Variants in WNT3 observed in about 807,000 individuals in gnomAD.
WNT3 encodes the protein Wnt family member 3, also known as proto-oncogene Wnt-3.
WNT3 carries 7 observed loss-of-function variants against 34.2 expected under a neutral mutation model. That is an observed-to-expected ratio of 0.20 (90% CI 0.12 to 0.38). WNT3 has a LOEUF of 0.38. Among genes scored for constraint, WNT3 ranks in the 10% least tolerant of loss-of-function variants. The pLI is 1.00. For synonymous variants in WNT3, 212 were observed against 211.5 expected, an observed-to-expected ratio of 1.00 and a Z score of -0.02; for missense variants, 267 against 499.8, an observed-to-expected ratio of 0.53 and a Z score of 4.44.
chr17:46,810,004 C>CTTTT (rs11292601), intron 1 of WNT3, among the ~76,000 whole-genome samples: 83 of 126,314 alleles, frequency 6.6e-4, no homozygotes, highest in Non-Finnish European at 8.7e-4. Flanking sequence ...TTCTTTCTTT[C>CTTTT]TTTTTTTTTT....
intron 1 of WNT3, among the ~76,000 whole-genome samples, chr17:46,792,309 TAAAG>T (rs1476513062): frequency 2.0e-5 from 3 of 152,086 alleles, no homozygotes; most frequent in African/African-American, 7.2e-5. Context: ...GTGAATGAAA[TAAAG>T]AACGCTTTTA....
chr17:46,812,873 TAAG>T (rs1053228460), intron 1 of WNT3, among the ~76,000 whole-genome samples: 1 of 152,126 alleles, frequency 6.6e-6, no homozygotes, highest in African/African-American at 2.4e-5. Context: ...GGTATCATTC[TAAG>T]AAGTATTCAC....
At chr17:46,795,635 G>T (rs1267007184) in intron 1 of WNT3, among the ~76,000 whole-genome samples, 1 of 152,208 alleles carries the variant, frequency 6.6e-6, no homozygotes, top group Non-Finnish European at 1.5e-5. Context: ...AGGGCCCTGT[G>T]CAAGGGGCAG....
chr17:46,773,010 C>T (rs1309767597), intron 2 of WNT3, among the ~76,000 whole-genome samples: 1 of 152,166 alleles, frequency 6.6e-6, no homozygotes, highest in Non-Finnish European at 1.5e-5. Flanking sequence ...AAGTCCCCTT[C>T]TTGGGAGGAG....
intron 1 of WNT3, among the ~76,000 whole-genome samples, chr17:46,816,475 G>GCACGCGCA (rs1475869479): frequency 6.9e-6 from 1 of 144,244 alleles, no homozygotes; most frequent in African/African-American, 2.6e-5. Flanking sequence ...CAGAACACAC[G>GCACGCGCA]CACACACACA....
chr17:46,768,951 T>A lies in WNT3; in HGVS notation c.589-152A>T. On this transcript the variant is annotated intron_variant, in intron 3 of 4. Transcript: ENST00000225512. The surrounding 1 kb of genome is among the most constrained non-coding windows in gnomAD (Gnocchi z 5.0). ...AACTGATGGGGACTGAGGCAAGACC[T>A]AAAGAATAGTGACCATGTTTCCCTC... 1.6e-6 allele frequency: 2 copies of A among 1,220,860 alleles called. No individual in the cohort carries two copies. Among genetic ancestry groups the A allele is most frequent in the Non-Finnish European group, 2.2e-6 (2 of 898,828 alleles). The allele number at this position is 1,220,860 out of a possible 1,614,324, so 75.6% of individuals were successfully genotyped here.
chr17:46,800,299 C>T (rs1472631908), intron 1 of WNT3, among the ~76,000 whole-genome samples: 1 of 152,066 alleles, frequency 6.6e-6, no homozygotes, highest in Admixed American at 6.6e-5. Context: ...TTAGTAGAGA[C>T]GGGGTTTCAC....
chr17:46,772,013 C>T (rs558538817), intron 2 of WNT3, among the ~76,000 whole-genome samples: 38 of 151,514 alleles, frequency 2.5e-4, no homozygotes, highest in African/African-American at 9.2e-4. Context: ...CCGGGCTGCC[C>T]GACCCGCTGC....
intron 1 of WNT3, among the ~76,000 whole-genome samples, chr17:46,792,157 T>C (rs754541999): frequency 6.6e-6 from 1 of 152,114 alleles, no homozygotes; most frequent in Non-Finnish European, 1.5e-5. Flanking sequence ...AAAGGCAAAA[T>C]GTCAGTGCAC....
chr17:46,785,582 C>T (rs1054257424), intron 1 of WNT3, among the ~76,000 whole-genome samples: 20 of 152,358 alleles, frequency 1.3e-4, no homozygotes, highest in African/African-American at 4.3e-4. Context: ...TTAGCAACTC[C>T]CTTCTGCCCG....
chr17:46,772,113 G>T (rs959865227), intron 2 of WNT3, among the ~76,000 whole-genome samples: 1 of 152,138 alleles, frequency 6.6e-6, no homozygotes, highest in Non-Finnish European at 1.5e-5. Flanking sequence ...GGGTGCAAAC[G>T]TGGGGCCGGA....
chr17:46,813,150 G>A (rs1313628952), intron 1 of WNT3, among the ~76,000 whole-genome samples: 5 of 151,846 alleles, frequency 3.3e-5, no homozygotes, highest in African/African-American at 7.3e-5. Flanking sequence ...AGAAACGGGT[G>A]GACTGTCTAA....
chr17:46,818,511 G>A lies in WNT3; in HGVS notation c.80+7C>T. ...CGGGCCGCGGGCAGACAAGAGGCGA[G>A]TCTTACCACCAAATTGGGTAGCCAG... On this transcript the variant is annotated splice_region_variant and intron_variant, in intron 1 of 4. Transcript: ENST00000225512. 1.2e-6 allele frequency: 2 copies of A among 1,604,450 alleles called. No homozygotes were observed. The highest frequency in any genetic ancestry group is 1.7e-6 in the Non-Finnish European group (2 of 1,176,724).
At position 46,769,766 on chromosome 17, in the gene WNT3, A is replaced by AG. The variant is rs759945142; in HGVS notation, c.588+16dup. On this transcript the variant is annotated intron_variant, in intron 3 of 4. Transcript: ENST00000225512. ...GGGCTGCTCCCTGAAGGGTTTGGGG[A>AG]GGGTAGCCGGGCTCACCGTGCGGCC... The AG allele has an allele frequency of 6.2e-7, 1 of 1,608,000 alleles. No homozygotes were observed. The highest frequency in any genetic ancestry group is 2.2e-5 in the East Asian group (1 of 44,846).
intron 2 of WNT3, 132 bp downstream of exon 2, chr17:46,773,536 A>C (rs1725482452): frequency 1.6e-5 from 17 of 1,072,876 alleles, no homozygotes; most frequent in African/African-American, 3.2e-5. Context: ...GCAGTCATGC[A>C]ACCAAATTTA....
At chr17:46,795,104 C>G (rs986364570) in intron 1 of WNT3, among the ~76,000 whole-genome samples, 8 of 152,100 alleles carry the variant, frequency 5.3e-5, no homozygotes, top group Admixed American at 5.2e-4. Flanking sequence ...GCTTACCTCA[C>G]CTGTGTCCCT....
intron 1 of WNT3, among the ~76,000 whole-genome samples, chr17:46,784,928 AC>A (rs2059490546): frequency 6.6e-6 from 1 of 151,886 alleles, no homozygotes; most frequent in Admixed American, 6.6e-5. Context: ...GGCACCCGCC[AC>A]CATGCCCGGC....
chr17:46,770,146 AG>A, intron 2 of WNT3, 98 bp from the exon 3 acceptor site: 1 of 1,434,222 alleles, frequency 7.0e-7, no homozygotes, highest in Non-Finnish European at 9.2e-7. Flanking sequence ...GAACGAGGCC[AG>A]GAAGAGTTGA....
At chr17:46,785,360 A>G (rs1297055399) in intron 1 of WNT3, among the ~76,000 whole-genome samples, 1 of 152,226 alleles carries the variant, frequency 6.6e-6, no homozygotes, top group Non-Finnish European at 1.5e-5. Flanking sequence ...CAGGAACAGA[A>G]AGGTGAGGTC....
Sources: allele counts gnomAD v4.1 joint callset (sites outside exome capture counted in the v4.1 genomes callset), GRCh38; gene constraint gnomAD v4.1.1; non-coding constraint Gnocchi (gnomAD v3.1); transcripts MANE v1.5; gene names NCBI Gene and HGNC (gene_info 2026-07-23, HGNC 2026-07-21).